The following TAF1B variants were observed in gnomAD, a reference collection of about 807,000 sequenced individuals.
TAF1B encodes the protein TATA box-binding protein-associated factor RNA polymerase I subunit B.
In TAF1B, 61 loss-of-function variants were observed where a neutral mutation model predicts 83.9. The observed-to-expected ratio is 0.73, with a 90% CI of 0.59 to 0.90. TAF1B has a LOEUF of 0.90. TAF1B is among the 40% of genes least tolerant of loss of function. The pLI is 0.00. For synonymous variants in TAF1B, 221 were observed against 224.6 expected, an observed-to-expected ratio of 0.98 and a Z score of 0.14; for missense variants, 625 against 677.0, an observed-to-expected ratio of 0.92 and a Z score of 0.85.
chr2:9,904,431 A>G (rs571577181), intron 8 of TAF1B, among the ~76,000 whole-genome samples: 2 of 152,212 alleles, frequency 1.3e-5, no homozygotes, highest in African/African-American at 4.8e-5. Flanking sequence ...TGCAAAGGAC[A>G]TGATCTTGTT....
At chr2:9,845,381 A>G in intron 2 of TAF1B, 63 bp downstream of exon 2, 1 of 1,357,704 alleles carries the variant, frequency 7.4e-7, no homozygotes, top group Non-Finnish European at 1.0e-6. Flanking sequence ...TCAGCCTGAT[A>G]TGTAGTCTAA....
chr2:9,926,571 G>A (rs1020460984), intron 14 of TAF1B, among the ~76,000 whole-genome samples: 6 of 152,096 alleles, frequency 3.9e-5, no homozygotes, highest in African/African-American at 1.4e-4. Context: ...AGGTGCGGTG[G>A]CTCATGCCTG....
chr2:9,930,942 T>A (rs1666192133), intron 14 of TAF1B, among the ~76,000 whole-genome samples: 1 of 152,220 alleles, frequency 6.6e-6, no homozygotes, highest in African/African-American at 2.4e-5. Flanking sequence ...TTATTTCTTT[T>A]GATCTTTGTT....
Position 9,933,843 on chromosome 2 carries a change from A to G in TAF1B, c.1626A>G (p.Ile542Met), listed in dbSNP as rs539076734. ...ATTATTCTCTGAGTTATCAGTTTAT[A>G]CTAAATCTCTTCTCCTTCCTGCTCA... ...ESNYSLSYQFILNLFSFLLRI... is the reference protein window; with the variant it reads ...ESNYSLSYQFMLNLFSFLLRI... The change falls in exon 15 of 15, where the codon ATA becomes ATG. Residue 542 changes from isoleucine to methionine, a missense_variant. Coordinates refer to ENST00000263663, the MANE Select transcript of TAF1B (RefSeq NM_005680.3). The G allele has an allele frequency of 1.9e-6, 3 of 1,613,890 alleles. No homozygotes were observed. Among genetic ancestry groups the G allele is most frequent in the African/African-American group, 1.3e-5 (1 of 75,024 alleles).
chr2:9,843,664 C>T (rs1663096814), intron 1 of TAF1B, 105 bp downstream of exon 1: 8 of 1,276,038 alleles, frequency 6.3e-6, no homozygotes, highest in Non-Finnish European at 8.4e-6. Context: ...GCGACGCCAC[C>T]GGCTGGAGGA....
chr2:9,886,882 T>C (rs1187556420), intron 8 of TAF1B, among the ~76,000 whole-genome samples: 1 of 152,260 alleles, frequency 6.6e-6, no homozygotes, highest in East Asian at 1.9e-4. Flanking sequence ...CTTGCCAATA[T>C]GGTGAAACCC....
At chr2:9,928,658 T>G (rs1434835385) in intron 14 of TAF1B, among the ~76,000 whole-genome samples, 2 of 152,226 alleles carry the variant, frequency 1.3e-5, no homozygotes, top group Non-Finnish European at 2.9e-5. Flanking sequence ...TAGCTCTCTG[T>G]TTGTCTGTTA....
chr2:9,883,350 G>GT lies in TAF1B; in HGVS notation c.807+553dup, dbSNP rs1057470854. Among the ~76,000 whole-genome samples the GT allele has an allele frequency of 3.3e-5, 5 of 152,094 alleles. No homozygotes were observed. The East Asian group carries it at 7.7e-4, about 23-fold the overall frequency. On this transcript the variant is annotated intron_variant, in intron 8 of 14. Transcript: ENST00000263663. The stretch of plus-strand genomic sequence containing the variant: ...TATTTCCCCTTGGTTCTCATCAGAA[G>GT]TTTTTTTTGATGTACTAAATGTTAA...
intron 8 of TAF1B, among the ~76,000 whole-genome samples, chr2:9,887,418 G>T (rs901446828): frequency 5.3e-5 from 8 of 152,136 alleles, no homozygotes; most frequent in African/African-American, 1.9e-4. Context: ...TGTTACTGGA[G>T]CTCTATTACT....
chr2:9,846,160 A>G (rs1325702493), intron 2 of TAF1B: 3 of 466,688 alleles, frequency 6.4e-6, no homozygotes, highest in African/African-American at 4.0e-5. Flanking sequence ...GAGTTTGCCA[A>G]AGTTACCCAA....
intron 7 of TAF1B, among the ~76,000 whole-genome samples, chr2:9,878,578 T>A (rs1000849573): frequency 1.3e-5 from 2 of 152,210 alleles, no homozygotes; most frequent in Non-Finnish European, 2.9e-5. Context: ...TTCATTACCC[T>A]GCAAATAGCC....
At chr2:9,880,451 T>TG (rs869282053) in intron 7 of TAF1B, among the ~76,000 whole-genome samples, 3 of 142,134 alleles carry the variant, frequency 2.1e-5, no homozygotes, top group African/African-American at 8.0e-5. Context: ...TTTTTTTTTT[T>TG]GGAAAAACAA....
At chr2:9,843,448 C>G (rs1663081396), upstream of TAF1B, 4 of 1,321,880 alleles carry the variant, frequency 3.0e-6, no homozygotes, top group South Asian at 5.4e-5. Flanking sequence ...GCGGATCTCG[C>G]GTTTCCGGCC....
chr2:9,850,792 A>G (rs1232349261), intron 3 of TAF1B, among the ~76,000 whole-genome samples: 3 of 152,196 alleles, frequency 2.0e-5, no homozygotes, highest in Non-Finnish European at 4.4e-5. Context: ...AACTCTGTCT[A>G]TTGTGGTGGC....
chr2:9,929,049 ATTGAGAGTTT>A, intron 14 of TAF1B, among the ~76,000 whole-genome samples: 1 of 152,284 alleles, frequency 6.6e-6, no homozygotes, highest in East Asian at 1.9e-4. Flanking sequence ...TACCTAGTTT[ATTGAGAGTTT>A]TTAGCATGAA....
At chr2:9,921,747 G>C (rs1362455237) in intron 14 of TAF1B, among the ~76,000 whole-genome samples, 1 of 152,162 alleles carries the variant, frequency 6.6e-6, no homozygotes, top group African/African-American at 2.4e-5. Context: ...CAACTTTGCT[G>C]TATGATTGAA....
At chr2:9,858,531 C>G (rs1012825738) in intron 5 of TAF1B, among the ~76,000 whole-genome samples, 3 of 152,236 alleles carry the variant, frequency 2.0e-5, no homozygotes, top group Non-Finnish European at 4.4e-5. Context: ...TGTTGGGGCT[C>G]CAACCCCACA....
intron 14 of TAF1B, among the ~76,000 whole-genome samples, chr2:9,928,958 C>T (rs189692040): frequency 0.012 from 1,805 of 152,230 alleles, 21 homozygotes; most frequent in Middle Eastern, 0.027. Context: ...GGGAATGCTT[C>T]CAGTTTTTGC....
At chr2:9,864,770 C>T (rs544660151) in intron 5 of TAF1B, among the ~76,000 whole-genome samples, 1 of 152,218 alleles carries the variant, frequency 6.6e-6, no homozygotes, top group Non-Finnish European at 1.5e-5. Context: ...CCCTGGGATG[C>T]AAGGCTGGTT....
Sources: allele counts gnomAD v4.1 joint callset (sites outside exome capture counted in the v4.1 genomes callset), GRCh38; gene constraint gnomAD v4.1.1; transcripts MANE v1.5; gene names NCBI Gene and HGNC (gene_info 2026-07-23, HGNC 2026-07-21).